Variants in ROBO1 observed in about 807,000 individuals in gnomAD.
The protein encoded by ROBO1 is roundabout guidance receptor 1.
ROBO1 carries 149 observed loss-of-function variants against 195.9 expected under a neutral mutation model. The observed-to-expected ratio is 0.76, with a 90% CI of 0.67 to 0.87. The LOEUF is 0.87. Among genes scored for constraint, ROBO1 ranks in the 40% least tolerant of loss-of-function variants. The pLI, the probability that ROBO1 is intolerant of heterozygous loss-of-function variation, is 0.00. For missense variants in ROBO1, 1,933 were observed against 2,068.3 expected, an observed-to-expected ratio of 0.93 and a Z score of 1.27; for synonymous variants, 816 against 733.2, an observed-to-expected ratio of 1.11 and a Z score of -1.82.
At position 79,551,979 on chromosome 3, in the gene ROBO1, T is replaced by A. The variant is rs1178375230; in HGVS notation, c.88+37845A>T. On this transcript the variant is annotated intron_variant, in intron 2 of 30. Transcript: ENST00000464233. The stretch of plus-strand genomic sequence containing the variant: ...CCTGTCCTTTGATCTCTCTACAGAG[T>A]TAAAAAAAAAAAAAAAAAAAAAAAA... 6.9e-3 allele frequency among the ~76,000 whole-genome samples: 302 copies of A among 43,512 alleles called. 4 individuals carry two copies. Among genetic ancestry groups the A allele is most frequent in the African/African-American group, 0.027 (281 of 10,478 alleles). 28.5% of individuals were successfully genotyped at this position (43,512 alleles called of 152,430 possible). A position where few individuals can be genotyped will look rare whatever the true frequency, so the allele number is the denominator to read the frequency against.
At chr3:79,002,360 AGTATCAATAG>A (rs1346308847) in intron 3 of ROBO1, among the ~76,000 whole-genome samples, 1 of 152,160 alleles carries the variant, frequency 6.6e-6, no homozygotes. Flanking sequence ...ATTAGCATTA[AGTATCAATAG>A]TCCAATATTT....
At chr3:79,444,182 T>C (rs1202986026) in intron 2 of ROBO1, among the ~76,000 whole-genome samples, 1 of 152,014 alleles carries the variant, frequency 6.6e-6, no homozygotes, top group Non-Finnish European at 1.5e-5. Flanking sequence ...CATGAAAACA[T>C]ATCCTTGAAG....
intron 17 of ROBO1, among the ~76,000 whole-genome samples, chr3:78,658,290 T>G (rs1238059384): frequency 1.3e-5 from 2 of 152,192 alleles, no homozygotes; most frequent in East Asian, 3.9e-4. Flanking sequence ...ATGCTCATTA[T>G]TATTAATTAT....
In ROBO1 at chr3:78,614,732, T is replaced by G; in HGVS notation, c.4351A>C (p.Ser1451Arg). The G allele has an allele frequency of 4.3e-6, 7 of 1,613,198 alleles. No individual in the cohort carries two copies. Among genetic ancestry groups the G allele is most frequent in the Non-Finnish European group, 5.9e-6 (7 of 1,179,766 alleles). The change falls in exon 28 of 31, where the codon AGT becomes CGT. Residue 1451 changes from serine to arginine, a missense_variant. Coordinates refer to ENST00000464233, the MANE Select transcript of ROBO1 (RefSeq NM_002941.4). ...TSPVSTDSNM[S>R]AAVMQKTRPA... is the part of the protein sequence containing the mutation. The stretch of plus-strand genomic sequence containing the variant: ...CTGGTTTTCTGCATTACGGCGGCAC[T>G]CATGTTGCTGTCTGTAGACACGGGA...
chr3:79,052,746 T>C (rs1432063884), intron 3 of ROBO1, among the ~76,000 whole-genome samples: 1 of 152,122 alleles, frequency 6.6e-6, no homozygotes, highest in Admixed American at 6.6e-5. Context: ...TCCCCTGACA[T>C]CTGGCACCCA....
At chr3:78,703,110 A>C (rs1322888556) in intron 8 of ROBO1, among the ~76,000 whole-genome samples, 1 of 152,146 alleles carries the variant, frequency 6.6e-6, no homozygotes, top group Non-Finnish European at 1.5e-5. Flanking sequence ...AGAATCCCAC[A>C]CATTCATCAG....
chr3:79,744,329 G>A (rs1703778425), intron 1 of ROBO1, among the ~76,000 whole-genome samples: 1 of 152,180 alleles, frequency 6.6e-6, no homozygotes, highest in Non-Finnish European at 1.5e-5. Context: ...GTTAGTGTCT[G>A]CGTGAGGTAC....
intron 1 of ROBO1, among the ~76,000 whole-genome samples, chr3:79,733,124 G>A (rs752804730): frequency 6.6e-6 from 1 of 151,994 alleles, no homozygotes; most frequent in Non-Finnish European, 1.5e-5. Context: ...ATCTCCAATC[G>A]ATAAATCCGC....
At chr3:79,554,617 T>C (rs183400966) in intron 2 of ROBO1, among the ~76,000 whole-genome samples, 1 of 152,174 alleles carries the variant, frequency 6.6e-6, no homozygotes, top group East Asian at 1.9e-4. Flanking sequence ...AGAGATAAAT[T>C]TTTAAGGTAT....
At chr3:79,754,206 T>G in intron 1 of ROBO1, among the ~76,000 whole-genome samples, 1 of 152,198 alleles carries the variant, frequency 6.6e-6, no homozygotes, top group Non-Finnish European at 1.5e-5. Context: ...TGGTTGTCTC[T>G]GAAGATAAGC....
At chr3:79,327,697 A>G (rs1248014361) in intron 2 of ROBO1, among the ~76,000 whole-genome samples, 1 of 152,054 alleles carries the variant, frequency 6.6e-6, no homozygotes, top group East Asian at 1.9e-4. Context: ...TTCAAGCAAT[A>G]CATTTCACAG....
chr3:78,945,487 A>G (rs1426549042), intron 3 of ROBO1, among the ~76,000 whole-genome samples: 1 of 152,232 alleles, frequency 6.6e-6, no homozygotes, highest in Non-Finnish European at 1.5e-5. Context: ...ACTAACATAC[A>G]GAAAGGACAT....
intron 3 of ROBO1, among the ~76,000 whole-genome samples, chr3:78,951,924 G>A (rs954948378): frequency 1.3e-5 from 2 of 151,886 alleles, no homozygotes; most frequent in African/African-American, 2.4e-5. Flanking sequence ...GAGACTGCTC[G>A]TGTTACTATT....
At chr3:79,567,941 G>T (rs1943143842) in intron 2 of ROBO1, among the ~76,000 whole-genome samples, 1 of 151,994 alleles carries the variant, frequency 6.6e-6, no homozygotes, top group Non-Finnish European at 1.5e-5. Context: ...AAAAAGTATG[G>T]ATTTTATTAT....
chr3:79,575,231 T>TATATATATAACAA (rs1943429611), intron 2 of ROBO1, among the ~76,000 whole-genome samples: 1 of 82,630 alleles, frequency 1.2e-5, no homozygotes, highest in Non-Finnish European at 2.4e-5. Context: ...ATAACAAATA[T>TATATATATAACAA]ATATAAATAT....
At chr3:78,752,432 T>C (rs1161239408) in intron 4 of ROBO1, among the ~76,000 whole-genome samples, 1 of 152,084 alleles carries the variant, frequency 6.6e-6, no homozygotes, top group Admixed American at 6.6e-5. Flanking sequence ...AGTAATACAA[T>C]AGGGTCTTAT....
In ROBO1 at chr3:79,070,920, A is replaced by T. The variant is rs1201456114; in HGVS notation, c.172+54536T>A. Among the ~76,000 whole-genome samples the T allele has an allele frequency of 2.6e-5, 4 of 151,692 alleles. No homozygotes were observed. The East Asian group carries it at 7.9e-4, about 30-fold the overall frequency. ...ATACTGACTTTTAAAATTTTTTATT[A>T]GTTATTTTTTAATTAAGGTATAGTT... On this transcript the variant is annotated intron_variant, in intron 3 of 30. Coordinates refer to ENST00000464233, the MANE Select transcript of ROBO1 (RefSeq NM_002941.4).
At chr3:78,863,704 T>G (rs1319049034) in intron 4 of ROBO1, among the ~76,000 whole-genome samples, 2 of 152,198 alleles carry the variant, frequency 1.3e-5, no homozygotes, top group Non-Finnish European at 2.9e-5. Flanking sequence ...TTCAGCTGCT[T>G]TTAGTTAGAA....
intron 1 of ROBO1, among the ~76,000 whole-genome samples, chr3:79,604,754 T>A (rs1273344220): frequency 6.6e-6 from 1 of 152,068 alleles, no homozygotes; most frequent in Non-Finnish European, 1.5e-5. Context: ...GTGGTCATTT[T>A]CTTGAAAATT....
Sources: allele counts gnomAD v4.1 joint callset (sites outside exome capture counted in the v4.1 genomes callset), GRCh38; gene constraint gnomAD v4.1.1; transcripts MANE v1.5; gene names NCBI Gene and HGNC (gene_info 2026-07-23, HGNC 2026-07-21).